Variants in RERE observed in about 807,000 individuals in gnomAD.
RERE encodes the protein arginine-glutamic acid dipeptide repeats protein.
Under a neutral mutation model 146.1 loss-of-function variants are expected in RERE, and 40 were observed. The observed-to-expected ratio is 0.27, with a 90% confidence interval of 0.21 to 0.36. The LOEUF (loss-of-function observed/expected upper bound fraction) is 0.36. Among genes scored for constraint, RERE ranks in the 10% least tolerant of loss-of-function variants. RERE has a pLI of 1.00. For synonymous variants in RERE, 1,003 were observed against 866.0 expected (o/e 1.16, Z -2.78); for missense variants, 1,933 against 2,138.7 (o/e 0.90, Z 1.90).
chr1:8,667,884 G>C (rs1196144336), intron 1 of RERE, among the ~76,000 whole-genome samples: 1 of 152,146 alleles, frequency 6.6e-6, no homozygotes, highest in Non-Finnish European at 1.5e-5. Context: ...TTAACATTTG[G>C]GGACAGATAA....
At chr1:8,784,408 T>C (rs897403940) in intron 1 of RERE, among the ~76,000 whole-genome samples, 9 of 152,192 alleles carry the variant, frequency 5.9e-5, no homozygotes, top group Admixed American at 2.0e-4. Context: ...TTATTACCCA[T>C]TGGATTCCAT....
intron 10 of RERE, among the ~76,000 whole-genome samples, chr1:8,493,823 G>A (rs1229261908): frequency 1.3e-5 from 2 of 152,136 alleles, no homozygotes; most frequent in South Asian, 4.1e-4. Context: ...CATACACAAC[G>A]ATGCAGACTA....
At chr1:8,596,040 A>G (rs1411779060) in intron 4 of RERE, among the ~76,000 whole-genome samples, 1 of 152,210 alleles carries the variant, frequency 6.6e-6, no homozygotes, top group Non-Finnish European at 1.5e-5. Context: ...ATCCACTAGA[A>G]ATAAAGTGAT....
chr1:8,480,527 C>T (rs189792806), intron 10 of RERE, among the ~76,000 whole-genome samples: 10 of 151,710 alleles, frequency 6.6e-5, no homozygotes. Context: ...ACTCCACCTC[C>T]CAGGTTCAAG....
intron 1 of RERE, among the ~76,000 whole-genome samples, chr1:8,778,783 T>C (rs1445491896): frequency 6.6e-6 from 1 of 151,516 alleles, no homozygotes; most frequent in African/African-American, 2.4e-5. Context: ...TTGCAGTGAG[T>C]CAAGATCATG....
At chr1:8,501,875 G>A (rs1184515243) in intron 8 of RERE, among the ~76,000 whole-genome samples, 2 of 107,838 alleles carry the variant, frequency 1.9e-5, no homozygotes, top group African/African-American at 7.2e-5. Context: ...CGCCCCGTCC[G>A]GGAGGCAGGT....
intron 1 of RERE, among the ~76,000 whole-genome samples, chr1:8,685,921 T>TA (rs1424571840): frequency 6.6e-6 from 1 of 152,002 alleles, no homozygotes; most frequent in African/African-American, 2.4e-5. Flanking sequence ...TGAGTGGAGA[T>TA]ACAAGGAAGG....
At position 8,360,626 on chromosome 1, in the gene RERE, C is replaced by T. The variant is rs764389553; in HGVS notation, c.2881G>A (p.Ala961Thr). 2 of 1,510,884 alleles carry T rather than the reference C, an allele frequency of 1.3e-6. No individual in the cohort carries two copies. The highest frequency in any genetic ancestry group is 1.8e-6 in the Non-Finnish European group (2 of 1,132,448). The allele number at this position is 1,510,884 out of a possible 1,614,324, so 93.6% of individuals were successfully genotyped here. Residue 961 changes from alanine to threonine, a missense_variant, in exon 18 of 23, where the codon GCC becomes ACC. Transcript: ENST00000400908. ...LSGPSPFSMNANLPPPPALKP... is the reference protein window; with the variant it reads ...LSGPSPFSMNTNLPPPPALKP... ...AGGGCTGGAGGGGGAGGCAGGTTGG[C>T]ATTCATGGAGAAGGGTGAGGGCCCC...
At chr1:8,541,059 AAAG>A in intron 7 of RERE, among the ~76,000 whole-genome samples, 152 bp downstream of exon 7, 2 of 152,114 alleles carry the variant, frequency 1.3e-5, no homozygotes, top group East Asian at 3.9e-4. Flanking sequence ...AACTCCTCCC[AAAG>A]AAGTTTACTG....
intron 11 of RERE, among the ~76,000 whole-genome samples, chr1:8,440,308 G>T (rs1157573338): frequency 1.3e-5 from 2 of 152,048 alleles, no homozygotes; most frequent in Non-Finnish European, 2.9e-5. Context: ...TCTAAAAATG[G>T]TTTATGGCCA....
At chr1:8,426,673 T>C (rs1644017648) in intron 11 of RERE, among the ~76,000 whole-genome samples, 1 of 152,182 alleles carries the variant, frequency 6.6e-6, no homozygotes, top group Non-Finnish European at 1.5e-5. Context: ...AACAGCATGG[T>C]GGTCTCTGCA....
chr1:8,540,855 A>G (rs1197750344), intron 7 of RERE, among the ~76,000 whole-genome samples: 1 of 152,208 alleles, frequency 6.6e-6, no homozygotes, highest in East Asian at 1.9e-4. Flanking sequence ...TCAATATGGT[A>G]TTATGGAAGG....
chr1:8,359,655 C>T, intron 19 of RERE, 109 bp downstream of exon 19: 3 of 1,233,268 alleles, frequency 2.4e-6, no homozygotes, highest in Non-Finnish European at 3.5e-6. Flanking sequence ...CCTCTAGCTG[C>T]CAGGAGGCCG....
rs548232752 is a variant in RERE, at chr1:8,715,919, G to C, written c.-144-59478C>G. On this transcript the variant is annotated intron_variant, in intron 1 of 22. Coordinates refer to ENST00000400908, the MANE Select transcript of RERE (RefSeq NM_001042681.2). ...CCCTGTCTGGGGCGGGACGGGCGGG[G>C]AAGAGATTTAAATGGCTAAATTTAA... is the stretch of plus-strand genomic sequence containing the variant. Among the ~76,000 whole-genome samples, 7 of 150,336 alleles carry C rather than the reference G, an allele frequency of 4.7e-5. No homozygotes were observed. In the East Asian group the frequency reaches 1.4e-3, roughly 30 times the overall value.
intron 8 of RERE, among the ~76,000 whole-genome samples, chr1:8,501,168 G>A (rs1645141736): frequency 6.7e-6 from 1 of 150,268 alleles, no homozygotes; most frequent in Non-Finnish European, 1.5e-5. Flanking sequence ...GGGGGGGTCA[G>A]CCCCCTGCCC....
intron 2 of RERE, among the ~76,000 whole-genome samples, chr1:8,636,562 A>G (rs1647104249): frequency 6.6e-6 from 1 of 151,784 alleles, no homozygotes; most frequent in Admixed American, 6.6e-5. Context: ...AATAATAACA[A>G]TAATAATATT....
chr1:8,598,345 G>A (rs922128219), intron 4 of RERE, among the ~76,000 whole-genome samples: 1 of 152,288 alleles, frequency 6.6e-6, no homozygotes, highest in Admixed American at 6.5e-5. Context: ...AACCACCTAT[G>A]AGAAGATGGC....
chr1:8,549,902 G>T (rs534602968), intron 6 of RERE, among the ~76,000 whole-genome samples: 1 of 152,182 alleles, frequency 6.6e-6, no homozygotes, highest in African/African-American at 2.4e-5. Context: ...ACCAAGGAAG[G>T]TCATGAATGG....
chr1:8,545,535 C>T (rs1235858425), intron 6 of RERE, among the ~76,000 whole-genome samples: 1 of 152,074 alleles, frequency 6.6e-6, no homozygotes, highest in East Asian at 1.9e-4. Flanking sequence ...CAGGCATGCG[C>T]AAACTCCAAA....
Sources: allele counts gnomAD v4.1 joint callset (sites outside exome capture counted in the v4.1 genomes callset), GRCh38; gene constraint gnomAD v4.1.1; transcripts MANE v1.5; gene names NCBI Gene and HGNC (gene_info 2026-07-23, HGNC 2026-07-21).